WDR70: variants seen among roughly 807,000 people sequenced by gnomAD.
The protein encoded by WDR70 is WD repeat-containing protein 70.
Under a neutral mutation model 88.6 loss-of-function variants are expected in WDR70, and 53 were observed. The ratio of observed to expected loss-of-function variants is 0.60; its 90% CI spans 0.48 to 0.75. The LOEUF (loss-of-function observed/expected upper bound fraction) is 0.75. WDR70 is among the 30% of genes least tolerant of loss of function. The probability of loss-of-function intolerance (pLI) is 0.00; values close to 1 mark genes in which losing one functional copy is unlikely to be tolerated. For synonymous variants in WDR70, 280 were observed against 270.0 expected, an observed-to-expected ratio of 1.04 and a Z score of -0.36; for missense variants, 610 against 823.2, an observed-to-expected ratio of 0.74 and a Z score of 3.17.
intron 5 of WDR70, among the ~76,000 whole-genome samples, chr5:37,415,356 G>A (rs1207410432): frequency 2.1e-5 from 3 of 144,150 alleles, no homozygotes; most frequent in Admixed American, 1.4e-4. Context: ...CAGTAGGGGC[G>A]GCCGGGCAGA....
chr5:37,460,689 A>AT (rs1221316317), intron 7 of WDR70, among the ~76,000 whole-genome samples: 352 of 22,922 alleles, frequency 0.015, 10 homozygotes, highest in Admixed American at 0.15. Context: ...TTAGAGTATA[A>AT]TAAAAAAAAA....
At chr5:37,608,029 T>G (rs1020615357) in intron 10 of WDR70, among the ~76,000 whole-genome samples, 7 of 147,862 alleles carry the variant, frequency 4.7e-5, no homozygotes, top group Non-Finnish European at 7.4e-5. Context: ...CCTGACAGTC[T>G]GCAACACTCT....
chr5:37,487,862 G>T (rs1285566486), intron 8 of WDR70, among the ~76,000 whole-genome samples: 1 of 151,682 alleles, frequency 6.6e-6, no homozygotes, highest in Non-Finnish European at 1.5e-5. Flanking sequence ...CTGACCTCGT[G>T]ATCTGCCTGC....
Position 37,752,628 on chromosome 5 carries a change from G to GT in WDR70, c.*55_*56insT. On this transcript the variant is annotated 3_prime_UTR_variant, in exon 18 of 18. Transcript: ENST00000265107. Reference sequence around the variant, plus strand: ...GTGGGAGGGGTATGGGACAGGTTTGGGTTTTTTTTTTATGCTCATGAAATT... The same window carrying GT: ...GTGGGAGGGGTATGGGACAGGTTTGGTGTTTTTTTTTTATGCTCATGAAATT... 7.5e-7 allele frequency: 1 copy of GT among 1,332,662 alleles called. No individual in the cohort carries two copies. The highest frequency in any genetic ancestry group is 2.4e-5 in the East Asian group (1 of 40,868). 82.6% of individuals were successfully genotyped at this position (1,332,662 alleles called of 1,614,324 possible).
chr5:37,695,425 G>C (rs1053856902), intron 10 of WDR70, among the ~76,000 whole-genome samples: 1 of 152,104 alleles, frequency 6.6e-6, no homozygotes, highest in Non-Finnish European at 1.5e-5. Context: ...TCCCCACCAT[G>C]CCTTTGGTTT....
chr5:37,559,660 C>T (rs1312568849), intron 9 of WDR70, among the ~76,000 whole-genome samples: 1 of 151,988 alleles, frequency 6.6e-6, no homozygotes, highest in Non-Finnish European at 1.5e-5. Context: ...GCCTGGCCAA[C>T]ATGGTGAAGC....
At chr5:37,640,844 G>A (rs187055418) in intron 10 of WDR70, among the ~76,000 whole-genome samples, 15 of 152,198 alleles carry the variant, frequency 9.9e-5, no homozygotes, top group Non-Finnish European at 2.2e-4. Flanking sequence ...AAAAAAATAC[G>A]GAAGTTCATC....
At chr5:37,519,446 A>G (rs1200565043) in intron 9 of WDR70, among the ~76,000 whole-genome samples, 1 of 142,968 alleles carries the variant, frequency 7.0e-6, no homozygotes, top group Non-Finnish European at 1.5e-5. Flanking sequence ...GGCGCTCCCC[A>G]CTTCCCAGAT....
At chr5:37,680,554 C>G (rs1746395889) in intron 10 of WDR70, among the ~76,000 whole-genome samples, 1 of 152,164 alleles carries the variant, frequency 6.6e-6, no homozygotes, top group Admixed American at 6.5e-5. Context: ...AGTCTTCAAT[C>G]CATCTTGTGT....
chr5:37,501,483 A>T (rs1197278560), intron 8 of WDR70, among the ~76,000 whole-genome samples: 1 of 152,192 alleles, frequency 6.6e-6, no homozygotes, highest in African/African-American at 2.4e-5. Flanking sequence ...AAATATATTA[A>T]CATGGTAGCT....
intron 17 of WDR70, among the ~76,000 whole-genome samples, chr5:37,747,039 G>A (rs527482108): frequency 3.3e-5 from 5 of 152,132 alleles, no homozygotes; most frequent in South Asian, 4.2e-4. Flanking sequence ...CTGCCAAACC[G>A]AACCCAGCAG....
At chr5:37,448,527 ATATTTC>A (rs1416882753) in intron 7 of WDR70, among the ~76,000 whole-genome samples, 2 of 152,206 alleles carry the variant, frequency 1.3e-5, no homozygotes, top group African/African-American at 4.8e-5. Flanking sequence ...GGTCACTTTG[ATATTTC>A]TATTTCAATT....
At position 37,600,512 on chromosome 5, in the gene WDR70, G is replaced by A. The variant is rs192453633; in HGVS notation, c.918-4552G>A. On this transcript the variant is annotated intron_variant, in intron 9 of 17. Coordinates refer to ENST00000265107, the MANE Select transcript of WDR70 (RefSeq NM_018034.4). ...ACTGCACTCCAGCCTGGGCGACAGA[G>A]CAAGACTCCGTCTCAAAAAAAAAAA... Among the ~76,000 whole-genome samples the A allele has an allele frequency of 2.2e-3, 283 of 126,640 alleles. 1 individual carries two copies. Among genetic ancestry groups the A allele is most frequent in the African/African-American group, 8.3e-3 (266 of 31,910 alleles). 83.1% of individuals were successfully genotyped at this position (126,640 alleles called of 152,430 possible).
At chr5:37,399,138 C>T (rs1749119841) in intron 5 of WDR70, among the ~76,000 whole-genome samples, 1 of 152,212 alleles carries the variant, frequency 6.6e-6, no homozygotes, top group African/African-American at 2.4e-5. Context: ...ATTAGCCGGG[C>T]ATGGTGGTGG....
chr5:37,749,747 GT>G (rs1237524435), intron 17 of WDR70, among the ~76,000 whole-genome samples: 1 of 149,858 alleles, frequency 6.7e-6, no homozygotes, highest in Non-Finnish European at 1.5e-5. Flanking sequence ...GGAAACTGTT[GT>G]GATCTAGTGA....
intron 9 of WDR70, among the ~76,000 whole-genome samples, chr5:37,572,811 A>G (rs1177429302): frequency 6.6e-6 from 1 of 152,216 alleles, no homozygotes; most frequent in African/African-American, 2.4e-5. Context: ...TCTAAAAATC[A>G]CAAATCAAGT....
intron 9 of WDR70, among the ~76,000 whole-genome samples, chr5:37,537,911 T>C (rs1440486516): frequency 6.6e-6 from 1 of 152,216 alleles, no homozygotes; most frequent in Non-Finnish European, 1.5e-5. Flanking sequence ...TCTAATACTG[T>C]AAAGTTTTGG....
intron 9 of WDR70, among the ~76,000 whole-genome samples, chr5:37,566,056 G>A (rs569413771): frequency 1.3e-5 from 2 of 152,184 alleles, no homozygotes; most frequent in African/African-American, 4.8e-5. Context: ...CCATCATCTA[G>A]TTTTTAGAAT....
At chr5:37,387,064 A>C (rs1748641693) in intron 3 of WDR70, among the ~76,000 whole-genome samples, 2 of 150,106 alleles carry the variant, frequency 1.3e-5, no homozygotes. Context: ...GTGCCATTGC[A>C]CTCCAGCCTG....
Sources: allele counts gnomAD v4.1 joint callset (sites outside exome capture counted in the v4.1 genomes callset), GRCh38; gene constraint gnomAD v4.1.1; transcripts MANE v1.5; gene names NCBI Gene and HGNC (gene_info 2026-07-23, HGNC 2026-07-21).